CENPU: variants seen among roughly 807,000 people sequenced by gnomAD.
The protein encoded by CENPU is centromere protein U.
Under a neutral mutation model 56.7 loss-of-function variants are expected in CENPU, and 46 were observed. That is an observed-to-expected ratio of 0.81 (90% CI 0.64 to 1.04). CENPU has a LOEUF of 1.04. Among genes scored for constraint, CENPU ranks in the 50% least tolerant of loss-of-function variants. The pLI, the probability that CENPU is intolerant of heterozygous loss-of-function variation, is 0.00. For missense variants in CENPU, 510 were observed against 490.1 expected (o/e 1.04, Z -0.38); for synonymous variants, 166 against 163.0 (o/e 1.02, Z -0.14).
At chr4:184,713,081 C>T in intron 6 of CENPU, 68 bp from the exon 7 acceptor site, 2 of 1,004,420 alleles carry the variant, frequency 2.0e-6, no homozygotes, top group Non-Finnish European at 1.5e-6. Context: ...AGGATTAAGA[C>T]TGTCACCAAA....
chr4:184,702,264 A>G (rs1579759481), intron 9 of CENPU, 99 bp downstream of exon 9: 2 of 1,305,124 alleles, frequency 1.5e-6, no homozygotes, highest in East Asian at 2.3e-5. Flanking sequence ...GTTTATTACC[A>G]TACTGCCAGC....
intron 3 of CENPU, among the ~76,000 whole-genome samples, chr4:184,726,974 TGGGGGG>T (rs56330358): frequency 1.1e-5 from 1 of 93,118 alleles, no homozygotes; most frequent in Non-Finnish European, 2.1e-5. Flanking sequence ...TCCTGGGGGG[TGGGGGG>T]GGGGGGCGCC....
Position 184,725,074 on chromosome 4 carries a change from CA to C in CENPU, c.215-13del. On this transcript the variant is annotated splice_polypyrimidine_tract_variant and intron_variant, in intron 3 of 12. Coordinates refer to ENST00000281453, the MANE Select transcript of CENPU (RefSeq NM_024629.4). ...ATGTAAAGGAGGATCTTTCAAAAGA[CA>C]AAAAAGAAGCACAACTTTAAAAGTC... is the stretch of plus-strand genomic sequence containing the variant. 1 of 1,554,810 alleles carries C rather than the reference CA, an allele frequency of 6.4e-7. No homozygotes were observed. Among genetic ancestry groups the C allele is most frequent in the African/African-American group, 1.4e-5 (1 of 72,874 alleles).
rs750010281 is a variant in CENPU at position 184,734,041 on chromosome 4, G to A, written c.22C>T (p.Arg8Trp). MAPRGRRRPRPHRSEGAR... is the reference protein window; with the variant it reads MAPRGRRWPRPHRSEGAR... ...CCCTCAGACCTGTGAGGCCGCGGCCGCCGCCGCCCCCGCGGGGCCATGGTG... is the reference window on the plus strand; with the variant it reads ...CCCTCAGACCTGTGAGGCCGCGGCCACCGCCGCCCCCGCGGGGCCATGGTG... The change falls in exon 1 of 13, where the codon CGG becomes TGG. Residue 8 changes from arginine to tryptophan, a missense_variant. Coordinates refer to ENST00000281453, the MANE Select transcript of CENPU (RefSeq NM_024629.4). 22 of 1,577,446 alleles carry A rather than the reference G, an allele frequency of 1.4e-5. No homozygotes were observed. The highest frequency in any genetic ancestry group is 1.7e-4 in the Middle Eastern group (1 of 5,836).
At chr4:184,732,248 T>TAA (rs11393807) in intron 1 of CENPU, among the ~76,000 whole-genome samples, 70 of 148,688 alleles carry the variant, frequency 4.7e-4, no homozygotes, top group Middle Eastern at 3.4e-3. Context: ...GAATCACAGT[T>TAA]AAAAAAAAAA....
chr4:184,729,351 G>C (rs1426258218), intron 2 of CENPU, among the ~76,000 whole-genome samples: 1 of 152,156 alleles, frequency 6.6e-6, no homozygotes, highest in Non-Finnish European at 1.5e-5. Flanking sequence ...TTTCTATAAA[G>C]GACAAGAAAG....
chr4:184,716,728 TTC>T, intron 5 of CENPU, 95 bp from the exon 6 acceptor site: 1 of 944,384 alleles, frequency 1.1e-6, no homozygotes, highest in Non-Finnish European at 1.6e-6. Context: ...TAGTCCACAT[TTC>T]TCACTTCTAC....
intron 2 of CENPU, among the ~76,000 whole-genome samples, chr4:184,729,387 G>GT (rs1464643746): frequency 6.6e-6 from 1 of 152,190 alleles, no homozygotes; most frequent in Non-Finnish European, 1.5e-5. Context: ...TTTGCAGGCC[G>GT]TAAGGTTTCT....
chr4:184,716,785 G>A, intron 5 of CENPU, 152 bp from the exon 6 acceptor site: 1 of 653,384 alleles, frequency 1.5e-6, no homozygotes, highest in South Asian at 2.0e-5. Flanking sequence ...TTAATTAGTG[G>A]ATAGGACAGG....
chr4:184,713,368 T>C (rs1760987305), intron 6 of CENPU, among the ~76,000 whole-genome samples: 1 of 152,186 alleles, frequency 6.6e-6, no homozygotes, highest in Admixed American at 6.6e-5. Context: ...CACTCCAGCC[T>C]GGGCAACAGA....
chr4:184,711,718 T>C (rs1157987950), intron 7 of CENPU, among the ~76,000 whole-genome samples: 4 of 152,220 alleles, frequency 2.6e-5, no homozygotes, highest in Non-Finnish European at 5.9e-5. Flanking sequence ...TTGCAAAGTT[T>C]GGCAGTTTCT....
Position 184,697,761 on chromosome 4 carries a change from T to C in CENPU, c.1029A>G (p.Glu343=). Residue 343 remains glutamate (E), a synonymous_variant, in exon 12 of 13, where the codon GAA becomes GAG. Coordinates refer to ENST00000281453, the MANE Select transcript of CENPU (RefSeq NM_024629.4). The part of the protein sequence containing the change: ...QLKQLQTKYD[E]LKERKSSLRN... ...TAAGGGAAGACTTTCTCTCTTTAAGTTCATCATATTTTGTTTGTAGTTGTT... is the reference window on the plus strand; with the variant it reads ...TAAGGGAAGACTTTCTCTCTTTAAGCTCATCATATTTTGTTTGTAGTTGTT... 1 of 1,610,308 alleles carries C rather than the reference T, an allele frequency of 6.2e-7. No homozygotes were observed. Among genetic ancestry groups the C allele is most frequent in the Non-Finnish European group, 8.5e-7 (1 of 1,179,098 alleles).
At chr4:184,713,887 G>C (rs1761003139) in intron 6 of CENPU, 1 of 152,266 alleles carries the variant, frequency 6.6e-6, no homozygotes, top group Non-Finnish European at 1.5e-5. Context: ...AGCTGCTCAG[G>C]AGAGCACAGG....
chr4:184,707,668 C>T (rs1278386465), intron 8 of CENPU, among the ~76,000 whole-genome samples: 4 of 152,142 alleles, frequency 2.6e-5, no homozygotes, highest in African/African-American at 9.7e-5. Flanking sequence ...CTGACGGGCA[C>T]TAACAGGGAC....
chr4:184,719,506 C>T (rs1761203205), intron 4 of CENPU, among the ~76,000 whole-genome samples: 1 of 152,222 alleles, frequency 6.6e-6, no homozygotes, highest in African/African-American at 2.4e-5. Flanking sequence ...GGAGCTTGAG[C>T]TCTGACAAGC....
In CENPU at chr4:184,716,193, C is replaced by T. The variant is rs368830728; in HGVS notation, c.618+204G>A. 3.3e-4 allele frequency among the ~76,000 whole-genome samples: 50 copies of T among 152,218 alleles called. No homozygotes were observed. In the East Asian group the frequency reaches 3.9e-3, roughly 12 times the overall value. On this transcript the variant is annotated intron_variant, in intron 6 of 12. Transcript: ENST00000281453. ...CAGGTGATCCCCCTGCCTCGGTCTC[C>T]CAAAGTGCTGGGATTACAGGCATGA... is the stretch of plus-strand genomic sequence containing the variant.
chr4:184,716,667 G>C, intron 5 of CENPU, 34 bp from the exon 6 acceptor site: 1 of 1,467,726 alleles, frequency 6.8e-7, no homozygotes, highest in Non-Finnish European at 9.5e-7. Flanking sequence ...TACTTATGTA[G>C]AAAATAGAAA....
At position 184,702,374 on chromosome 4, in the gene CENPU, A is replaced by G; in HGVS notation, c.865T>C (p.Phe289Leu). 6.2e-7 allele frequency: 1 copy of G among 1,611,800 alleles called. No individual in the cohort carries two copies. Among genetic ancestry groups the G allele is most frequent in the Admixed American group, 1.7e-5 (1 of 59,548 alleles). The change falls in exon 9 of 13, where the codon TTC (phenylalanine) becomes CTC (leucine). Residue 289 changes from phenylalanine to leucine, a missense_variant. Transcript: ENST00000281453. Reference protein sequence around the residue: ...ATFYVNVKEQFIKMLKESQML... With the variant: ...ATFYVNVKEQLIKMLKESQML... Reference sequence around the variant, plus strand: ...GTCCGTGAGCTTACCATTTTGATGAATTGTTCTTTAACATTAACATAAAAT... The same window carrying G: ...GTCCGTGAGCTTACCATTTTGATGAGTTGTTCTTTAACATTAACATAAAAT...
At chr4:184,708,824 G>T (rs907696394) in intron 8 of CENPU, among the ~76,000 whole-genome samples, 10 of 152,092 alleles carry the variant, frequency 6.6e-5, no homozygotes, top group Non-Finnish European at 1.3e-4. Flanking sequence ...TTATCTACAG[G>T]ATATTGCAAG....
Sources: gnomAD v4.1 joint callset for allele counts (sites outside exome capture counted in the v4.1 genomes callset) on GRCh38, gnomAD v4.1.1 for gene constraint, MANE v1.5 for transcripts, NCBI Gene and HGNC (gene_info 2026-07-23, HGNC 2026-07-21) for gene names.